The following BRD10 variants were observed in gnomAD, a reference collection of about 807,000 sequenced individuals.
The protein encoded by BRD10 is bromodomain containing 10.
At chr9:5,976,326 G>C in the BRD10 span, among the ~76,000 whole-genome samples, 1 of 152,154 alleles carries the variant, frequency 6.6e-6, no homozygotes, top group East Asian at 1.9e-4. Context: ...TTTATGTACT[G>C]AGAAGGGTAG....
chr9:5,914,410 GTTTTTTTT>G, the BRD10 span, among the ~76,000 whole-genome samples: 8 of 75,476 alleles, frequency 1.1e-4, no homozygotes, highest in East Asian at 9.6e-4. Flanking sequence ...AATCCAGATG[GTTTTTTTT>G]TTTTTTTTTT....
the BRD10 span, among the ~76,000 whole-genome samples, chr9:5,956,934 A>C: frequency 6.6e-6 from 1 of 152,112 alleles, no homozygotes; most frequent in Non-Finnish European, 1.5e-5. Flanking sequence ...CAAGAATCCT[A>C]CTTTTTTCAG....
chr9:5,920,756 G>A, the BRD10 span: 1 of 1,613,936 alleles, frequency 6.2e-7, no homozygotes, highest in Non-Finnish European at 8.5e-7. Context: ...TGTAGGTAAG[G>A]CAACCGTAAC....
the BRD10 span, among the ~76,000 whole-genome samples, chr9:5,941,481 G>A: frequency 6.6e-6 from 1 of 152,060 alleles, no homozygotes; most frequent in African/African-American, 2.4e-5. Context: ...CAAATACCTG[G>A]TAGATAAAAA....
the BRD10 span, among the ~76,000 whole-genome samples, chr9:5,898,590 G>A: frequency 2.6e-5 from 4 of 152,182 alleles, no homozygotes; most frequent in Non-Finnish European, 4.4e-5. Flanking sequence ...GATGTTGTGT[G>A]TAGCTAAGCA....
chr9:5,888,603 G>A, the BRD10 span, among the ~76,000 whole-genome samples: 2 of 152,354 alleles, frequency 1.3e-5, no homozygotes, highest in South Asian at 4.1e-4. Flanking sequence ...AATGTACAGG[G>A]CAGTGGTGGT....
At chr9:5,999,648 T>C in the BRD10 span, among the ~76,000 whole-genome samples, 3 of 152,272 alleles carry the variant, frequency 2.0e-5, no homozygotes, top group East Asian at 3.9e-4. Flanking sequence ...ACTACTTTTC[T>C]ACATATAATT....
At chr9:5,936,843 T>G in the BRD10 span, among the ~76,000 whole-genome samples, 61 of 152,350 alleles carry the variant, frequency 4.0e-4, no homozygotes, top group Middle Eastern at 3.4e-3. Flanking sequence ...AATCAAACTG[T>G]TAAACAGAAG....
At chr9:5,939,817 G>A in the BRD10 span, among the ~76,000 whole-genome samples, 1 of 152,204 alleles carries the variant, frequency 6.6e-6, no homozygotes, top group Non-Finnish European at 1.5e-5. Context: ...AGTGTAGGAT[G>A]TTCAGCAGCA....
the BRD10 span, among the ~76,000 whole-genome samples, chr9:5,879,507 C>T: frequency 0.013 from 2,009 of 152,312 alleles, 23 homozygotes; most frequent in Middle Eastern, 0.075. Context: ...CCCTAAAGGG[C>T]TGGTTGACCC....
the BRD10 span, chr9:5,968,596 T>C: frequency 6.2e-7 from 1 of 1,613,944 alleles, no homozygotes; most frequent in Non-Finnish European, 8.5e-7. Flanking sequence ...GACAGCAAGC[T>C]GGATCAAAAT....
the BRD10 span, among the ~76,000 whole-genome samples, chr9:5,955,051 G>T: frequency 2.0e-5 from 3 of 151,992 alleles, no homozygotes; most frequent in South Asian, 4.2e-4. Context: ...TCGCACCATT[G>T]TTCTCCAGCC....
At chr9:5,961,924 A>C in the BRD10 span, among the ~76,000 whole-genome samples, 1 of 149,854 alleles carries the variant, frequency 6.7e-6, no homozygotes, top group African/African-American at 2.4e-5. Flanking sequence ...CCTTTCAAAA[A>C]ACCAGCTCCT....
chr9:6,007,703 C>G, the BRD10 span: 5 of 1,608,704 alleles, frequency 3.1e-6, no homozygotes, highest in Non-Finnish European at 4.2e-6. Flanking sequence ...ACCTCCTCCT[C>G]GTCGTCCTCT....
the BRD10 span, among the ~76,000 whole-genome samples, chr9:5,951,346 C>T: frequency 6.6e-6 from 1 of 150,818 alleles, no homozygotes; most frequent in Admixed American, 6.6e-5. Flanking sequence ...AAAAACTTCA[C>T]AATTTAACCC....
the BRD10 span, chr9:5,922,066 T>A: frequency 1.2e-5 from 19 of 1,614,038 alleles, no homozygotes; most frequent in African/African-American, 2.1e-4. Context: ...AAGTGAAAAC[T>A]GAACTTGAAG....
At chr9:5,919,673 T>G in the BRD10 span, 1 of 1,583,712 alleles carries the variant, frequency 6.3e-7, no homozygotes, top group Admixed American at 1.9e-5. Flanking sequence ...ACTGGCTCTT[T>G]TAGTCTAAAT....
chr9:5,885,923 C>T, the BRD10 span, among the ~76,000 whole-genome samples: 1 of 152,174 alleles, frequency 6.6e-6, no homozygotes, highest in Non-Finnish European at 1.5e-5. Flanking sequence ...TATGAAAGGG[C>T]AACAGGACTT....
the BRD10 span, among the ~76,000 whole-genome samples, chr9:5,984,241 A>T: frequency 6.6e-6 from 1 of 152,156 alleles, no homozygotes; most frequent in Non-Finnish European, 1.5e-5. Context: ...GATTTCTTTA[A>T]AACACAACTA....
Sources: allele counts gnomAD v4.1 joint callset (sites outside exome capture counted in the v4.1 genomes callset), GRCh38; gene constraint gnomAD v4.1.1; transcripts MANE v1.5; gene names NCBI Gene and HGNC (gene_info 2026-07-23, HGNC 2026-07-21).